The following FSHR variants were observed in gnomAD, a reference collection of about 807,000 sequenced individuals.
FSHR encodes follicle-stimulating hormone receptor.
A neutral mutation model predicts 52.1 loss-of-function variants in FSHR; 46 were observed. The observed-to-expected ratio is 0.88, with a 90% CI of 0.70 to 1.13. FSHR has a LOEUF of 1.13. Ranked by LOEUF, FSHR falls within the 50% of genes most tolerant of loss-of-function variation. The pLI is 0.00. For missense variants in FSHR, 964 were observed against 834.6 expected, an observed-to-expected ratio of 1.16 and a Z score of -1.91; for synonymous variants, 399 against 309.6, an observed-to-expected ratio of 1.29 and a Z score of -3.03.
In FSHR at chr2:48,990,784, A is replaced by G. The variant is rs184958361; in HGVS notation, c.375-147T>C. 2.0e-4 allele frequency: 131 copies of G among 661,800 alleles called. No homozygotes were observed. The African/African-American group carries it at 2.0e-3, about 10-fold the overall frequency. The allele number at this position is 661,800 out of a possible 1,614,324, so 41.0% of individuals were successfully genotyped here. On this transcript the variant is annotated intron_variant, in intron 4 of 9. Transcript: ENST00000406846. ...GCCCGTATATACGTGAATTAGGCTC[A>G]TGTTTTCTATTTTAAGGTTCGTTCC...
chr2:49,004,138 G>C (rs1049063933), intron 4 of FSHR, among the ~76,000 whole-genome samples: 15 of 152,142 alleles, frequency 9.9e-5, no homozygotes, highest in Admixed American at 9.8e-4. Flanking sequence ...CTCCTTCCCA[G>C]GCCAGCTCTA....
chr2:48,979,399 C>A (rs1267529712), intron 8 of FSHR, among the ~76,000 whole-genome samples: 1 of 152,056 alleles, frequency 6.6e-6, no homozygotes, highest in Non-Finnish European at 1.5e-5. Context: ...TATGATGGCA[C>A]CACTGCACTC....
At chr2:48,994,935 C>A (rs1167610855) in intron 4 of FSHR, among the ~76,000 whole-genome samples, 8 of 152,148 alleles carry the variant, frequency 5.3e-5, no homozygotes, top group African/African-American at 1.9e-4. Flanking sequence ...AAGTGAGCTT[C>A]TCTCCAATCA....
At chr2:49,004,466 C>T (rs571932579) in intron 4 of FSHR, among the ~76,000 whole-genome samples, 2 of 152,154 alleles carry the variant, frequency 1.3e-5, no homozygotes, top group Non-Finnish European at 2.9e-5. Context: ...CAGGGCCCCT[C>T]GTGTGGGGCC....
intron 1 of FSHR, among the ~76,000 whole-genome samples, chr2:49,149,826 C>T (rs1262976970): frequency 6.6e-6 from 1 of 151,886 alleles, no homozygotes; most frequent in Admixed American, 6.6e-5. Flanking sequence ...GAAGTAAATG[C>T]TAGTGAAAAG....
intron 1 of FSHR, among the ~76,000 whole-genome samples, chr2:49,072,275 T>A (rs528759887): frequency 1.3e-5 from 2 of 152,030 alleles, no homozygotes; most frequent in African/African-American, 4.8e-5. Context: ...TTTTAAGTCA[T>A]ACATGGGTCA....
intron 1 of FSHR, among the ~76,000 whole-genome samples, chr2:49,085,969 G>T (rs993261359): frequency 5.3e-5 from 8 of 151,596 alleles, no homozygotes; most frequent in Non-Finnish European, 7.4e-5. Context: ...TGTTGTGGGG[G>T]GGGGGAGTGG....
At chr2:49,059,886 A>C (rs770601394) in intron 2 of FSHR, among the ~76,000 whole-genome samples, 4 of 152,198 alleles carry the variant, frequency 2.6e-5, no homozygotes, top group Non-Finnish European at 4.4e-5. Context: ...AAAAAGCTGC[A>C]GAGCCAATGA....
intron 2 of FSHR, among the ~76,000 whole-genome samples, chr2:49,047,604 T>A (rs376137373): frequency 6.6e-5 from 10 of 152,226 alleles, no homozygotes; most frequent in African/African-American, 2.2e-4. Context: ...ATCCCACCAT[T>A]AGCAATTCAA....
chr2:48,994,615 G>A (rs1269524635), intron 4 of FSHR, among the ~76,000 whole-genome samples: 1 of 83,822 alleles, frequency 1.2e-5, no homozygotes, highest in Non-Finnish European at 3.0e-5. Flanking sequence ...TTTCCCCTCT[G>A]ATCAATAAAT....
intron 2 of FSHR, among the ~76,000 whole-genome samples, chr2:49,042,830 C>T (rs556464445): frequency 2.8e-4 from 43 of 152,268 alleles, no homozygotes; most frequent in Middle Eastern, 3.4e-3. Flanking sequence ...TTCAGTCAAA[C>T]GTTTCCATTT....
At chr2:49,008,808 G>T (rs1251642047) in intron 4 of FSHR, among the ~76,000 whole-genome samples, 4 of 145,702 alleles carry the variant, frequency 2.7e-5, no homozygotes, top group Non-Finnish European at 6.0e-5. Flanking sequence ...TGTGTTTTTT[G>T]GCTGCATAAA....
intron 1 of FSHR, among the ~76,000 whole-genome samples, chr2:49,105,698 T>G (rs1249603943): frequency 6.6e-6 from 1 of 152,178 alleles, no homozygotes; most frequent in Non-Finnish European, 1.5e-5. Context: ...GACAAAGCAG[T>G]GCTGTCTTTG....
At chr2:48,993,832 C>G (rs1157016015) in intron 4 of FSHR, among the ~76,000 whole-genome samples, 2 of 152,146 alleles carry the variant, frequency 1.3e-5, no homozygotes, top group African/African-American at 4.8e-5. Flanking sequence ...CCATTCTTCA[C>G]CTGGCGAACT....
chr2:49,047,841 A>G (rs895132512), intron 2 of FSHR, among the ~76,000 whole-genome samples: 3 of 152,200 alleles, frequency 2.0e-5, no homozygotes, highest in Admixed American at 2.0e-4. Flanking sequence ...ATCATTTCAC[A>G]AATATGTACA....
intron 3 of FSHR, among the ~76,000 whole-genome samples, chr2:49,018,022 G>C (rs1002902591): frequency 6.6e-6 from 1 of 152,144 alleles, no homozygotes; most frequent in Non-Finnish European, 1.5e-5. Context: ...AAATGGAAAA[G>C]AGGTGAAAAG....
chr2:49,074,577 C>T (rs1031614095), intron 1 of FSHR, among the ~76,000 whole-genome samples: 3 of 152,142 alleles, frequency 2.0e-5, no homozygotes, highest in Non-Finnish European at 4.4e-5. Context: ...GGAAAATAAA[C>T]TAGTACAGAC....
chr2:49,010,094 C>T lies in FSHR; in HGVS notation c.374+7395G>A, dbSNP rs1208154361. On this transcript the variant is annotated intron_variant, in intron 4 of 9. Coordinates refer to ENST00000406846, the MANE Select transcript of FSHR (RefSeq NM_000145.4). ...ATAGGACCGGTGAGAGAGGGCATCC[C>T]TGTCTTGTGCCAGTTTTCAAAGGGA... Among the ~76,000 whole-genome samples the T allele has an allele frequency of 4.0e-5, 3 of 75,600 alleles. 1 individual carries two copies. Among genetic ancestry groups the T allele is most frequent in the Non-Finnish European group, 1.1e-4 (3 of 27,862 alleles). 49.6% of individuals were successfully genotyped at this position (75,600 alleles called of 152,430 possible).
At chr2:49,061,754 TTATATATAAC>T (rs1188957713) in intron 2 of FSHR, among the ~76,000 whole-genome samples, 1 of 89,532 alleles carries the variant, frequency 1.1e-5, no homozygotes, top group Non-Finnish European at 2.4e-5. Context: ...ATATAACTAT[TTATATATAAC>T]TATATATAAC....
Sources: gnomAD v4.1 joint callset for allele counts (sites outside exome capture counted in the v4.1 genomes callset) on GRCh38, gnomAD v4.1.1 for gene constraint, MANE v1.5 for transcripts, NCBI Gene and HGNC (gene_info 2026-07-23, HGNC 2026-07-21) for gene names.